SDK1: variants seen among roughly 807,000 people sequenced by gnomAD.
The protein encoded by SDK1 is protein sidekick-1.
A neutral mutation model predicts 245.5 loss-of-function variants in SDK1; 157 were observed. The observed-to-expected ratio is 0.64, with a 90% CI of 0.56 to 0.73. SDK1 has a LOEUF of 0.73. Among genes scored for constraint, SDK1 ranks in the 30% least tolerant of loss-of-function variants. The pLI is 0.00. For synonymous variants in SDK1, 1,647 were observed against 1,278.5 expected (o/e 1.29, Z -6.15); for missense variants, 3,583 against 3,002.3 (o/e 1.19, Z -4.52).
chr7:3,581,052 C>T (rs1268418534), intron 1 of SDK1, among the ~76,000 whole-genome samples: 4 of 146,718 alleles, frequency 2.7e-5, no homozygotes, highest in South Asian at 2.2e-4. Context: ...TAAGAACTGG[C>T]GTTAATTGTA....
intron 19 of SDK1, among the ~76,000 whole-genome samples, chr7:4,057,099 G>T (rs1312959357): frequency 1.3e-5 from 2 of 152,166 alleles, no homozygotes; most frequent in South Asian, 4.1e-4. Context: ...GTTGCCACCT[G>T]GGTCTGAAGC....
chr7:3,345,605 T>C (rs902289899), intron 1 of SDK1, among the ~76,000 whole-genome samples: 1 of 152,194 alleles, frequency 6.6e-6, no homozygotes, highest in Admixed American at 6.5e-5. Flanking sequence ...AAGATGGGAG[T>C]ATAGTAACAT....
rs556376095 is a variant in SDK1, at chr7:3,422,269, A to G, written c.298+120385A>G. On this transcript the variant is annotated intron_variant, in intron 1 of 44. Transcript: ENST00000404826. ...GATCAATATTTAAAAACCTGCTATT[A>G]TTCTAACTTTGAATCCTTTCAGGAA... Among the ~76,000 whole-genome samples, 5 of 152,264 alleles carry G rather than the reference A, an allele frequency of 3.3e-5. No individual in the cohort carries two copies. The South Asian group carries it at 1.0e-3, about 32-fold the overall frequency.
At chr7:3,505,374 C>T (rs552467657) in intron 1 of SDK1, among the ~76,000 whole-genome samples, 1 of 152,176 alleles carries the variant, frequency 6.6e-6, no homozygotes, top group South Asian at 2.1e-4. Flanking sequence ...GCCTCTGCCT[C>T]CCAAGTAGCT....
Position 3,764,646 on chromosome 7 carries a change from C to T in SDK1, c.714-56804C>T, listed in dbSNP as rs1284717449. Among the ~76,000 whole-genome samples, 4 of 151,946 alleles carry T rather than the reference C, an allele frequency of 2.6e-5. No individual in the cohort carries two copies. In the South Asian group the frequency reaches 6.2e-4, roughly 24 times the overall value. On this transcript the variant is annotated intron_variant, in intron 4 of 44. Coordinates refer to ENST00000404826, the MANE Select transcript of SDK1 (RefSeq NM_152744.4). ...GCAGCGAGCAGGGATTGCGCCACCG[C>T]ACTCTAGCCTGGGCGACAGAGTGAG...
At chr7:3,849,522 C>A (rs575433737) in intron 5 of SDK1, among the ~76,000 whole-genome samples, 1 of 152,138 alleles carries the variant, frequency 6.6e-6, no homozygotes, top group East Asian at 1.9e-4. Flanking sequence ...TGTTTAACCA[C>A]TTCAGTATAT....
In SDK1 at chr7:3,410,649, C is replaced by T. The variant is rs189570726; in HGVS notation, c.298+108765C>T. ...TCGCCTAGGCTGGAGTGCAGTGGCA[C>T]GATCTCAGCTTACTGCAACCTCCGC... On this transcript the variant is annotated intron_variant, in intron 1 of 44. Transcript: ENST00000404826. 1.6e-3 allele frequency among the ~76,000 whole-genome samples: 225 copies of T among 142,268 alleles called. 1 individual carries two copies. Among genetic ancestry groups the T allele is most frequent in the Non-Finnish European group, 2.9e-3 (191 of 66,852 alleles). The allele number at this position is 142,268 out of a possible 152,430, so 93.3% of individuals were successfully genotyped here. A position where few individuals can be genotyped will look rare whatever the true frequency, so the allele number is the denominator to read the frequency against.
At chr7:3,473,717 C>T (rs1380843078) in intron 1 of SDK1, among the ~76,000 whole-genome samples, 1 of 151,854 alleles carries the variant, frequency 6.6e-6, no homozygotes, top group East Asian at 1.9e-4. Context: ...TACCTTCCTT[C>T]TACTTCTTGC....
chr7:4,001,137 C>A (rs1449679970), intron 14 of SDK1, among the ~76,000 whole-genome samples: 1 of 152,182 alleles, frequency 6.6e-6, no homozygotes, highest in Non-Finnish European at 1.5e-5. Flanking sequence ...GGTGACCGCA[C>A]GGTGCGGAAT....
At chr7:4,107,946 C>T (rs145110729) in intron 22 of SDK1, among the ~76,000 whole-genome samples, 1 of 152,184 alleles carries the variant, frequency 6.6e-6, no homozygotes, top group South Asian at 2.1e-4. Flanking sequence ...CTTCTTTCAG[C>T]GTAACATAGG....
chr7:3,457,514 C>A (rs1037535020), intron 1 of SDK1, among the ~76,000 whole-genome samples: 2 of 152,168 alleles, frequency 1.3e-5, no homozygotes, highest in Admixed American at 6.5e-5. Flanking sequence ...AATTATTGGT[C>A]ATAGCTGACC....
At chr7:4,142,467 T>G (rs1338334296) in intron 28 of SDK1, among the ~76,000 whole-genome samples, 2 of 152,150 alleles carry the variant, frequency 1.3e-5, no homozygotes, top group African/African-American at 4.8e-5. Flanking sequence ...TAGCTGGGAT[T>G]ACAAGCGCCC....
chr7:3,945,548 C>G (rs532107394), intron 5 of SDK1, among the ~76,000 whole-genome samples: 4 of 151,998 alleles, frequency 2.6e-5, no homozygotes, highest in South Asian at 4.2e-4. Flanking sequence ...AAAAGTTAGT[C>G]TTGGGAGTCA....
intron 4 of SDK1, among the ~76,000 whole-genome samples, chr7:3,804,569 T>C (rs1404751027): frequency 6.6e-6 from 1 of 152,216 alleles, no homozygotes. Flanking sequence ...CCTTTACATA[T>C]TATTTTTAGA....
chr7:3,939,968 C>T (rs1780295175), intron 5 of SDK1, among the ~76,000 whole-genome samples: 1 of 152,250 alleles, frequency 6.6e-6, no homozygotes, highest in Admixed American at 6.5e-5. Context: ...TGAAAAACCA[C>T]CAGTGCACCT....
intron 1 of SDK1, among the ~76,000 whole-genome samples, chr7:3,303,545 A>T (rs1021043182): frequency 1.2e-4 from 17 of 146,482 alleles, no homozygotes; most frequent in African/African-American, 4.4e-4. Context: ...AATACATTTT[A>T]AAAATATATT....
intron 5 of SDK1, among the ~76,000 whole-genome samples, chr7:3,871,765 C>T (rs536404281): frequency 2.5e-4 from 38 of 152,314 alleles, no homozygotes; most frequent in Non-Finnish European, 3.8e-4. Flanking sequence ...ATGACCCCAA[C>T]GCCACCCACC....
intron 1 of SDK1, among the ~76,000 whole-genome samples, chr7:3,478,872 A>G (rs1373121420): frequency 4.6e-5 from 7 of 152,072 alleles, no homozygotes; most frequent in African/African-American, 9.7e-5. Context: ...CTTAGTTCCA[A>G]TATATGGTGT....
At chr7:3,989,602 G>C (rs994049398) in intron 14 of SDK1, among the ~76,000 whole-genome samples, 2 of 152,108 alleles carry the variant, frequency 1.3e-5, no homozygotes, top group Non-Finnish European at 2.9e-5. Flanking sequence ...CCTGTTTTCA[G>C]GACACCTAGG....
Sources: gnomAD v4.1 joint callset for allele counts (sites outside exome capture counted in the v4.1 genomes callset) on GRCh38, gnomAD v4.1.1 for gene constraint, MANE v1.5 for transcripts, NCBI Gene and HGNC (gene_info 2026-07-23, HGNC 2026-07-21) for gene names.